The following TSPAN5 variants were observed in gnomAD, a reference collection of about 807,000 sequenced individuals.
The protein encoded by TSPAN5 is tetraspanin-5.
TSPAN5 carries 10 observed loss-of-function variants against 37.1 expected under a neutral mutation model. The observed-to-expected ratio is 0.27, with a 90% CI of 0.17 to 0.46. TSPAN5 has a LOEUF of 0.46. Ranked by LOEUF, TSPAN5 falls within the 20% of genes least tolerant of loss-of-function variation. The pLI, the probability that TSPAN5 is intolerant of heterozygous loss-of-function variation, is 1.00. For missense variants in TSPAN5, 195 were observed against 326.6 expected (o/e 0.60, Z 3.11); for synonymous variants, 110 against 118.9 (o/e 0.93, Z 0.48).
chr4:98,525,670 G>T (rs910260996), intron 1 of TSPAN5, among the ~76,000 whole-genome samples: 2 of 151,836 alleles, frequency 1.3e-5, no homozygotes, highest in African/African-American at 4.8e-5. Flanking sequence ...TCCACCTCCT[G>T]AGTTCTGTAT....
At chr4:98,590,998 T>C (rs1755619491) in intron 1 of TSPAN5, among the ~76,000 whole-genome samples, 1 of 152,016 alleles carries the variant, frequency 6.6e-6, no homozygotes, top group African/African-American at 2.4e-5. Context: ...CCAACTTCCC[T>C]AACTCTTGGT....
intron 1 of TSPAN5, among the ~76,000 whole-genome samples, chr4:98,613,929 A>G (rs1313626550): frequency 2.6e-5 from 4 of 152,066 alleles, no homozygotes; most frequent in Non-Finnish European, 1.5e-5. Context: ...CCTAAGCACA[A>G]CCAATTATCA....
At chr4:98,631,751 C>T (rs1230524540) in intron 1 of TSPAN5, among the ~76,000 whole-genome samples, 1 of 152,186 alleles carries the variant, frequency 6.6e-6, no homozygotes, top group Non-Finnish European at 1.5e-5. Context: ...TTTGAAAGTG[C>T]CTTGCAAAGC....
chr4:98,650,042 A>T (rs1253761490), intron 1 of TSPAN5, among the ~76,000 whole-genome samples: 1 of 152,230 alleles, frequency 6.6e-6, no homozygotes, highest in African/African-American at 2.4e-5. Context: ...ATATGTTTGG[A>T]AGACTCTTTG....
intron 1 of TSPAN5, among the ~76,000 whole-genome samples, chr4:98,567,546 T>C (rs1755032161): frequency 6.6e-6 from 1 of 152,262 alleles, no homozygotes. Flanking sequence ...ATCATTATTA[T>C]GCCTTTTTTC....
chr4:98,484,806 A>T (rs1752925648), intron 3 of TSPAN5: 4 of 305,928 alleles, frequency 1.3e-5, no homozygotes, highest in Non-Finnish European at 1.9e-5. Context: ...TACTTAAAAA[A>T]AAAAAATACA....
intron 1 of TSPAN5, among the ~76,000 whole-genome samples, chr4:98,514,827 G>A (rs1753692900): frequency 6.6e-6 from 1 of 152,162 alleles, no homozygotes; most frequent in Non-Finnish European, 1.5e-5. Context: ...CAAAGTGACT[G>A]GTCTTGTGGG....
intron 1 of TSPAN5, among the ~76,000 whole-genome samples, chr4:98,624,611 C>T (rs1756552846): frequency 6.6e-6 from 1 of 152,130 alleles, no homozygotes; most frequent in South Asian, 2.1e-4. Flanking sequence ...TTTTACAAAA[C>T]ACTGCTTCCC....
At position 98,472,309 on chromosome 4, in the gene TSPAN5, G is replaced by A. The variant is rs1752604582; in HGVS notation, c.*213C>T. The A allele has an allele frequency of 9.2e-6, 4 of 435,924 alleles. No individual in the cohort carries two copies. Among genetic ancestry groups the A allele is most frequent in the Admixed American group, 4.2e-5 (1 of 24,040 alleles). 27.0% of individuals were successfully genotyped at this position (435,924 alleles called of 1,614,324 possible). On this transcript the variant is annotated 3_prime_UTR_variant, in exon 8 of 8. Coordinates refer to ENST00000305798, the MANE Select transcript of TSPAN5 (RefSeq NM_005723.4). ...ATTCATGGCTACAGTAGAGATTCACGGCGCAACGACTTTCATACTGGTTAT... is the reference window on the plus strand; with the variant it reads ...ATTCATGGCTACAGTAGAGATTCACAGCGCAACGACTTTCATACTGGTTAT...
chr4:98,513,910 T>TAGA (rs1753673368), intron 1 of TSPAN5, among the ~76,000 whole-genome samples: 1 of 137,588 alleles, frequency 7.3e-6, no homozygotes, highest in Non-Finnish European at 1.6e-5. Flanking sequence ...AGATAGATAG[T>TAGA]ATATATCAAG....
intron 1 of TSPAN5, among the ~76,000 whole-genome samples, chr4:98,519,351 T>C (rs1291611505): frequency 2.6e-5 from 4 of 151,954 alleles, no homozygotes; most frequent in Non-Finnish European, 5.9e-5. Context: ...TTAAAAAGAT[T>C]AGCCGGGCAT....
chr4:98,522,881 T>C (rs4699639), intron 1 of TSPAN5, among the ~76,000 whole-genome samples: 117,638 of 152,066 alleles, frequency 0.77, 46,304 homozygotes, highest in African/African-American at 0.92. Context: ...CTTTTCATGA[T>C]ACTATAAAAA....
At position 98,533,611 on chromosome 4, in the gene TSPAN5, C is replaced by T. The variant is rs190139882; in HGVS notation, c.82-25883G>A. Among the ~76,000 whole-genome samples, 693 of 122,152 alleles carry T rather than the reference C, an allele frequency of 5.7e-3. 6 individuals are homozygous for T. The highest frequency in any genetic ancestry group is 0.02 in the African/African-American group (629 of 31,274). 80.1% of individuals were successfully genotyped at this position (122,152 alleles called of 152,430 possible). On this transcript the variant is annotated intron_variant, in intron 1 of 7. Transcript: ENST00000305798. Reference sequence around the variant, plus strand: ...TGTCGCCCAGGCTGGGGTGCAGTGGCGCGATCTTGGCTCACTGCAAGCTCT... The same window carrying T: ...TGTCGCCCAGGCTGGGGTGCAGTGGTGCGATCTTGGCTCACTGCAAGCTCT...
chr4:98,566,702 G>C (rs1372610101), intron 1 of TSPAN5, among the ~76,000 whole-genome samples: 1 of 152,184 alleles, frequency 6.6e-6, no homozygotes. Flanking sequence ...CTGTGGAGGA[G>C]GGCGGGTGGC....
At chr4:98,496,563 GAGA>G (rs902571554) in intron 2 of TSPAN5, 10 of 152,332 alleles carry the variant, frequency 6.6e-5, no homozygotes, top group African/African-American at 2.2e-4. Flanking sequence ...AGGAGAAGAG[GAGA>G]AGGAGGGGTA....
chr4:98,487,969 T>C (rs1328293193), intron 2 of TSPAN5, among the ~76,000 whole-genome samples: 1 of 152,184 alleles, frequency 6.6e-6, no homozygotes, highest in African/African-American at 2.4e-5. Context: ...TTTAATTTTA[T>C]TGAAGTTGTT....
intron 1 of TSPAN5, among the ~76,000 whole-genome samples, chr4:98,513,416 G>C (rs1036879406): frequency 6.6e-6 from 1 of 152,118 alleles, no homozygotes; most frequent in African/African-American, 2.4e-5. Context: ...ATTAGAGTCT[G>C]AGTGCATCTA....
chr4:98,610,518 T>C (rs535111044), intron 1 of TSPAN5, among the ~76,000 whole-genome samples: 3 of 152,328 alleles, frequency 2.0e-5, no homozygotes, highest in Non-Finnish European at 2.9e-5. Flanking sequence ...TCTACATAAG[T>C]AGGCCCTTCA....
chr4:98,621,359 T>G (rs1377539223), intron 1 of TSPAN5, among the ~76,000 whole-genome samples: 1 of 143,000 alleles, frequency 7.0e-6, no homozygotes, highest in Non-Finnish European at 1.5e-5. Context: ...GGAACCAATA[T>G]GTCACTTTTT....
Sources: allele counts gnomAD v4.1 joint callset (sites outside exome capture counted in the v4.1 genomes callset), GRCh38; gene constraint gnomAD v4.1.1; transcripts MANE v1.5; gene names NCBI Gene and HGNC (gene_info 2026-07-23, HGNC 2026-07-21).